DIP2B: variants seen among roughly 807,000 people sequenced by gnomAD.
DIP2B encodes disco-interacting protein 2 homolog B.
In DIP2B, 76 loss-of-function variants were observed where a neutral mutation model predicts 198.0. The ratio of observed to expected loss-of-function variants is 0.38; its 90% CI spans 0.32 to 0.46. The LOEUF (loss-of-function observed/expected upper bound fraction) is 0.46, where lower values mean the gene tolerates loss of function less well. Among genes scored for constraint, DIP2B ranks in the 20% least tolerant of loss-of-function variants. DIP2B has a pLI of 0.99. For missense variants in DIP2B, 1,559 were observed against 1,978.4 expected (o/e 0.79, Z 4.02); for synonymous variants, 701 against 739.1 (o/e 0.95, Z 0.84).
At chr12:50,736,980 TG>T in intron 34 of DIP2B, 55 bp from the exon 35 acceptor site, 1 of 1,570,404 alleles carries the variant, frequency 6.4e-7, no homozygotes, top group Non-Finnish European at 8.8e-7. Context: ...GTGCGTTTCC[TG>T]GAGGTCATTA....
At chr12:50,734,932 A>T in intron 33 of DIP2B, 141 bp from the exon 34 acceptor site, 2 of 967,524 alleles carry the variant, frequency 2.1e-6, no homozygotes, top group South Asian at 1.5e-5. Context: ...AAATGTTAGT[A>T]GTGCTGAGTT....
chr12:50,620,401 T>G (rs541778447), intron 1 of DIP2B, among the ~76,000 whole-genome samples: 8 of 152,338 alleles, frequency 5.3e-5, no homozygotes, highest in African/African-American at 1.9e-4. Context: ...CTCACACATG[T>G]GTCTTTCTGT....
At chr12:50,520,164 A>G (rs10876046) in intron 1 of DIP2B, among the ~76,000 whole-genome samples, 42,242 of 148,450 alleles carry the variant, frequency 0.28, 6,551 homozygotes, top group Non-Finnish European at 0.35. Context: ...CAGCCTCCCC[A>G]GTAGCTGAGA....
At chr12:50,568,816 T>G (rs1958589143) in intron 1 of DIP2B, among the ~76,000 whole-genome samples, 1 of 152,198 alleles carries the variant, frequency 6.6e-6, no homozygotes, top group African/African-American at 2.4e-5. Flanking sequence ...CCATAAAATT[T>G]TGATAAAAAA....
intron 3 of DIP2B, 150 bp from the exon 4 acceptor site, chr12:50,660,044 G>A: frequency 1.2e-6 from 1 of 806,624 alleles, no homozygotes. Context: ...TTTCTAATTG[G>A]TCTTAATCAA....
At chr12:50,719,065 A>G (rs746697647) in intron 25 of DIP2B, 30 bp downstream of exon 25, 1 of 1,607,722 alleles carries the variant, frequency 6.2e-7, no homozygotes, top group East Asian at 2.2e-5. Flanking sequence ...ATATCTAATC[A>G]GCTGACTACT....
At chr12:50,595,341 TCA>T (rs1306202417) in intron 1 of DIP2B, among the ~76,000 whole-genome samples, 1 of 152,224 alleles carries the variant, frequency 6.6e-6, no homozygotes, top group Non-Finnish European at 1.5e-5. Flanking sequence ...AGACAGGGTC[TCA>T]CTCTGTCACC....
At chr12:50,531,124 C>G (rs1958213093) in intron 1 of DIP2B, among the ~76,000 whole-genome samples, 1 of 152,214 alleles carries the variant, frequency 6.6e-6, no homozygotes, top group African/African-American at 2.4e-5. Flanking sequence ...CAGCTCACTA[C>G]AAGTTCTGAC....
intron 1 of DIP2B, among the ~76,000 whole-genome samples, chr12:50,589,431 G>A (rs938431751): frequency 4.0e-5 from 6 of 151,540 alleles, no homozygotes; most frequent in Admixed American, 6.6e-5. Context: ...TCCTGACCTC[G>A]GCGTCCCAAA....
At chr12:50,698,944 G>A in intron 18 of DIP2B, 122 bp from the exon 19 acceptor site, 1 of 1,078,150 alleles carries the variant, frequency 9.3e-7, no homozygotes, top group Non-Finnish European at 1.3e-6. Context: ...ATTCCTGTCT[G>A]GTATTTTTAC....
chr12:50,683,792 A>T (rs931724857), intron 10 of DIP2B, among the ~76,000 whole-genome samples: 1 of 151,470 alleles, frequency 6.6e-6, no homozygotes, highest in Non-Finnish European at 1.5e-5. Flanking sequence ...AAAAATAAAT[A>T]GATAAATAAA....
chr12:50,618,413 G>C (rs1274430843), intron 1 of DIP2B, among the ~76,000 whole-genome samples: 1 of 152,198 alleles, frequency 6.6e-6, no homozygotes, highest in African/African-American at 2.4e-5. Flanking sequence ...TGTGTCTGTT[G>C]TTCCAAGCAT....
chr12:50,701,169 T>C (rs1939410484), intron 19 of DIP2B, among the ~76,000 whole-genome samples: 2 of 152,200 alleles, frequency 1.3e-5, no homozygotes, highest in Non-Finnish European at 2.9e-5. Context: ...TGAAGAAAAT[T>C]TAAAATCTGC....
At chr12:50,544,779 G>T (rs1204276466) in intron 1 of DIP2B, among the ~76,000 whole-genome samples, 3 of 151,414 alleles carry the variant, frequency 2.0e-5, no homozygotes, top group Non-Finnish European at 2.9e-5. Flanking sequence ...CACCACGCCC[G>T]GCTAATTTTT....
chr12:50,610,041 A>G (rs1959018325), intron 1 of DIP2B, among the ~76,000 whole-genome samples: 1 of 152,230 alleles, frequency 6.6e-6, no homozygotes, highest in South Asian at 2.1e-4. Flanking sequence ...AATTCTGCAG[A>G]TACAGCTATA....
chr12:50,642,768 G>A (rs1044539906), intron 3 of DIP2B, among the ~76,000 whole-genome samples: 5 of 152,076 alleles, frequency 3.3e-5, no homozygotes, highest in Non-Finnish European at 7.4e-5. Context: ...CAGCCTGGGC[G>A]ACTGAGCGAG....
chr12:50,513,725 C>T (rs1207440907), intron 1 of DIP2B, among the ~76,000 whole-genome samples: 4 of 151,958 alleles, frequency 2.6e-5, no homozygotes, highest in African/African-American at 9.7e-5. Context: ...AATACACAAA[C>T]TAGCCGGGCA....
At chr12:50,670,712 C>T (rs969134330) in intron 4 of DIP2B, among the ~76,000 whole-genome samples, 4 of 152,124 alleles carry the variant, frequency 2.6e-5, no homozygotes, top group Non-Finnish European at 4.4e-5. Flanking sequence ...CCACCACGCC[C>T]GGCCTGGCAC....
chr12:50,585,906 T>C (rs1483037179), intron 1 of DIP2B, among the ~76,000 whole-genome samples: 1 of 152,248 alleles, frequency 6.6e-6, no homozygotes, highest in African/African-American at 2.4e-5. Flanking sequence ...TCTATCACTA[T>C]AAGCTCTATA....
Sources: allele counts gnomAD v4.1 joint callset (sites outside exome capture counted in the v4.1 genomes callset), GRCh38; gene constraint gnomAD v4.1.1; transcripts MANE v1.5; gene names NCBI Gene and HGNC (gene_info 2026-07-23, HGNC 2026-07-21).